ZNF846: variants seen among roughly 807,000 people sequenced by gnomAD.
ZNF846 encodes zinc finger protein 420 pseudogene.
ZNF846 carries 15 observed loss-of-function variants against 16.0 expected under a neutral mutation model. The observed-to-expected ratio is 0.94, with a 90% CI of 0.63 to 1.45. The LOEUF is 1.45. Among genes scored for constraint, ZNF846 ranks in the 40% most tolerant of loss-of-function variants. The pLI is 0.00. For missense variants in ZNF846, 714 were observed against 622.3 expected (o/e 1.15, Z -1.57); for synonymous variants, 229 against 212.0 (o/e 1.08, Z -0.70).
chr19:9,749,854 T>G (rs952651544), downstream of ZNF846, among the ~76,000 whole-genome samples: 1 of 152,196 alleles, frequency 6.6e-6, no homozygotes, highest in Admixed American at 6.5e-5. Context: ...TCTAGACAGA[T>G]TTGGTGAGAA....
At chr19:9,758,000 A>G (rs753507715) in exon 6 of ZNF846, 6 of 1,613,616 alleles carry the variant, frequency 3.7e-6, no homozygotes, top group Non-Finnish European at 5.1e-6. Context: ...CTCCACTGTG[A>G]ATCCTTACAT....
chr19:9,757,031 TA>T (rs199800553), downstream of ZNF846, among the ~76,000 whole-genome samples: 18,447 of 151,190 alleles, frequency 0.12, 1,472 homozygotes, highest in Admixed American at 0.23. Flanking sequence ...CTGTCTCTAC[TA>T]AAAATACAAA....
At chr19:9,757,763 A>G in exon 6 of ZNF846, 2 of 1,613,542 alleles carry the variant, frequency 1.2e-6, no homozygotes, top group Non-Finnish European at 1.7e-6. Context: ...TTAAATGGGT[A>G]CTAAGGCCCG....
At chr19:9,781,122 C>T (rs1304596741) in intron 1 of ZNF846, among the ~76,000 whole-genome samples, 1 of 152,060 alleles carries the variant, frequency 6.6e-6, no homozygotes, top group Non-Finnish European at 1.5e-5. Flanking sequence ...GAGAAAATAT[C>T]CTGTTAGGTG....
chr19:9,754,137 C>A (rs2045111247), downstream of ZNF846, among the ~76,000 whole-genome samples: 1 of 151,666 alleles, frequency 6.6e-6, no homozygotes, highest in Non-Finnish European at 1.5e-5. Context: ...TTCACTCTCT[C>A]TTCTATCAGT....
At chr19:9,782,558 C>T (rs1186470845) in intron 1 of ZNF846, among the ~76,000 whole-genome samples, 1 of 152,174 alleles carries the variant, frequency 6.6e-6, no homozygotes, top group Non-Finnish European at 1.5e-5. Flanking sequence ...TCACCATGCC[C>T]AGCCAGCTTT....
At chr19:9,784,157 G>T (rs1453512995) in intron 1 of ZNF846, among the ~76,000 whole-genome samples, 1 of 150,610 alleles carries the variant, frequency 6.6e-6, no homozygotes, top group South Asian at 2.1e-4. Flanking sequence ...AAGTATAGAG[G>T]AAGAAAAGTG....
intron 4 of ZNF846, 70 bp from the exon 5 acceptor site, chr19:9,760,012 C>T: frequency 1.6e-6 from 2 of 1,221,988 alleles, no homozygotes; most frequent in South Asian, 1.3e-5. Context: ...GCCTATGGGG[C>T]TGGGCGTGGT....
At chr19:9,767,222 G>C (rs1053569025) in intron 1 of ZNF846, among the ~76,000 whole-genome samples, 2 of 151,826 alleles carry the variant, frequency 1.3e-5, no homozygotes, top group African/African-American at 2.4e-5. Flanking sequence ...CACAACCTCT[G>C]CCTCCCGGGT....
chr19:9,751,689 A>G (rs557120518), downstream of ZNF846, among the ~76,000 whole-genome samples: 2 of 152,066 alleles, frequency 1.3e-5, no homozygotes, highest in South Asian at 4.2e-4. Context: ...ACTTTGTAAC[A>G]TTCCTCCCTG....
At chr19:9,779,571 A>AT (rs781610244) in intron 1 of ZNF846, among the ~76,000 whole-genome samples, 3,646 of 101,200 alleles carry the variant, frequency 0.036, 81 homozygotes, top group African/African-American at 0.089. Flanking sequence ...CCCCACCAGA[A>AT]TTTTTTTTTT....
exon 6 of ZNF846, chr19:9,757,862 A>G: frequency 6.2e-7 from 1 of 1,611,482 alleles, no homozygotes; most frequent in Non-Finnish European, 8.5e-7. Context: ...GCATTGAGGA[A>G]TTATTAAAGG....
chr19:9,779,562 C>A (rs1237597685), intron 1 of ZNF846, among the ~76,000 whole-genome samples: 1 of 149,908 alleles, frequency 6.7e-6, no homozygotes, highest in Non-Finnish European at 1.5e-5. Context: ...GCCACTGCAC[C>A]CCACCAGAAT....
intron 1 of ZNF846, among the ~76,000 whole-genome samples, chr19:9,782,603 C>T (rs981927186): frequency 6.6e-6 from 1 of 152,086 alleles, no homozygotes; most frequent in Non-Finnish European, 1.5e-5. Context: ...CCTAGATGTA[C>T]ATGGTGTCTC....
exon 5 of ZNF846, chr19:9,759,929 T>G (rs756702585): frequency 1.9e-6 from 3 of 1,612,360 alleles, no homozygotes; most frequent in Non-Finnish European, 2.5e-6. Flanking sequence ...TGGTTTTGAG[T>G]TGCAAATCCA....
downstream of ZNF846, among the ~76,000 whole-genome samples, chr19:9,754,666 C>T (rs2045117160): frequency 6.7e-6 from 1 of 150,344 alleles, no homozygotes. Context: ...GAAGTTATCC[C>T]ATTTACCCTT....
intron 1 of ZNF846, among the ~76,000 whole-genome samples, chr19:9,779,221 T>C (rs147346922): frequency 3.4e-4 from 52 of 152,286 alleles, no homozygotes; most frequent in African/African-American, 1.1e-3. Context: ...GTTGGTTCCT[T>C]TGGAAGAAAT....
downstream of ZNF846, chr19:9,752,479 G>A (rs1172353121): frequency 7.4e-6 from 3 of 407,958 alleles, 1 homozygote; most frequent in South Asian, 3.5e-5. Context: ...GCTGAGCTTG[G>A]TGGTGCATGC....
intron 5 of ZNF846, among the ~76,000 whole-genome samples, chr19:9,759,059 C>T (rs893028373): frequency 1.3e-5 from 2 of 151,814 alleles, no homozygotes; most frequent in East Asian, 1.9e-4. Flanking sequence ...AGTGCAGTGG[C>T]ACGATCTTGA....
Sources: gnomAD v4.1 joint callset for allele counts (sites outside exome capture counted in the v4.1 genomes callset) on GRCh38, gnomAD v4.1.1 for gene constraint, MANE v1.5 for transcripts, NCBI Gene and HGNC (gene_info 2026-07-23, HGNC 2026-07-21) for gene names.